GGT1: variants seen among roughly 807,000 people sequenced by gnomAD.
The protein encoded by GGT1 is glutathione hydrolase 1 proenzyme.
GGT1 carries 21 observed loss-of-function variants against 56.0 expected under a neutral mutation model. The observed-to-expected ratio is 0.38, with a 90% CI of 0.27 to 0.54. The LOEUF (loss-of-function observed/expected upper bound fraction) is 0.54, where lower values mean the gene tolerates loss of function less well. Among genes scored for constraint, GGT1 ranks in the 20% least tolerant of loss-of-function variants. The pLI is 0.82. For synonymous variants in GGT1, 238 were observed against 342.6 expected (o/e 0.69, Z 3.37); for missense variants, 466 against 787.0 (o/e 0.59, Z 4.88).
chr22:24,622,496 G>A (rs1601746355), intron 9 of GGT1, among the ~76,000 whole-genome samples: 4 of 152,198 alleles, frequency 2.6e-5, no homozygotes, highest in African/African-American at 7.2e-5. Context: ...CCTGGGAGGT[G>A]GAGCTTGCAG....
the GGT1 span, among the ~76,000 whole-genome samples, chr22:24,584,790 G>A: frequency 1.8e-4 from 28 of 151,922 alleles, no homozygotes; most frequent in Admixed American, 1.5e-3. Flanking sequence ...GTATCCCCCC[G>A]GACATCTCTA....
At chr22:24,616,711 A>AT (rs1425953820) in intron 7 of GGT1, among the ~76,000 whole-genome samples, 1 of 151,210 alleles carries the variant, frequency 6.6e-6, no homozygotes, top group Non-Finnish European at 1.5e-5. Flanking sequence ...CGCCCAGCTA[A>AT]TTTTTTGTAT....
chr22:24,587,468 C>G, the GGT1 span, among the ~76,000 whole-genome samples: 1 of 152,190 alleles, frequency 6.6e-6, no homozygotes, highest in Non-Finnish European at 1.5e-5. Flanking sequence ...TGGCAGGGAA[C>G]AACCTTGTGG....
At chr22:24,606,746 A>T (rs1250256426) in intron 1 of GGT1, among the ~76,000 whole-genome samples, 1 of 151,912 alleles carries the variant, frequency 6.6e-6, no homozygotes, top group African/African-American at 2.4e-5. Context: ...GGCCTATGTG[A>T]CCCAGGCAGG....
chr22:24,604,154 A>G (rs1269606601), intron 1 of GGT1, among the ~76,000 whole-genome samples: 1 of 144,360 alleles, frequency 6.9e-6, no homozygotes, highest in African/African-American at 2.6e-5. Flanking sequence ...GTGCATTCTC[A>G]TATCGAGGGA....
chr22:24,617,502 G>T (rs1358224887), intron 7 of GGT1, among the ~76,000 whole-genome samples: 1 of 152,140 alleles, frequency 6.6e-6, no homozygotes, highest in Non-Finnish European at 1.5e-5. Flanking sequence ...AGAGGGTGCT[G>T]GGAAGTGGCT....
chr22:24,605,177 G>T (rs1483925393), intron 1 of GGT1, among the ~76,000 whole-genome samples: 3 of 65,012 alleles, frequency 4.6e-5, no homozygotes, highest in South Asian at 3.6e-4. Context: ...TATATAATAT[G>T]TAATATATTA....
intron 1 of GGT1, among the ~76,000 whole-genome samples, chr22:24,604,474 G>T (rs1437083063): frequency 3.9e-5 from 6 of 152,114 alleles, no homozygotes; most frequent in African/African-American, 1.4e-4. Context: ...CAGCCTAAAT[G>T]AGGCTCAGTT....
chr22:24,611,877 G>A (rs1158647277), intron 5 of GGT1, among the ~76,000 whole-genome samples: 4 of 150,816 alleles, frequency 2.7e-5, no homozygotes, highest in Admixed American at 1.3e-4. Flanking sequence ...TGCAATCTTG[G>A]CTTACTGCAA....
intron 1 of GGT1, among the ~76,000 whole-genome samples, chr22:24,606,915 G>A (rs144648637): frequency 0.13 from 13,184 of 98,904 alleles, no homozygotes; most frequent in Non-Finnish European, 0.16. Flanking sequence ...GCAGGGGAGG[G>A]AGCCATGACT....
At chr22:24,600,375 GT>G (rs1399625792), upstream of GGT1, among the ~76,000 whole-genome samples, 6 of 152,244 alleles carry the variant, frequency 3.9e-5, no homozygotes, top group Non-Finnish European at 7.3e-5. Context: ...CTGGGGTTGA[GT>G]TTAAACCCAG....
chr22:24,594,243 G>C (rs1268842282), upstream of GGT1, among the ~76,000 whole-genome samples: 1 of 152,088 alleles, frequency 6.6e-6, no homozygotes, highest in Non-Finnish European at 1.5e-5. Flanking sequence ...CTCCTGCGTG[G>C]GGAACGTTTG....
upstream of GGT1, among the ~76,000 whole-genome samples, chr22:24,598,797 C>G (rs1205342686): frequency 6.6e-6 from 1 of 152,224 alleles, no homozygotes; most frequent in Admixed American, 6.5e-5. Flanking sequence ...AAGCCATCCA[C>G]CCACCTCGCC....
At chr22:24,589,034 T>C in the GGT1 span, 2 of 1,022,384 alleles carry the variant, frequency 2.0e-6, no homozygotes, top group Non-Finnish European at 2.4e-6. Flanking sequence ...CTGCAAGCCC[T>C]GGCTGTTCCT....
intron 1 of GGT1, among the ~76,000 whole-genome samples, chr22:24,606,224 G>A (rs866989837): frequency 6.7e-6 from 1 of 148,316 alleles, no homozygotes; most frequent in African/African-American, 2.5e-5. Context: ...TGCCATGTTG[G>A]TGTGCTGCAC....
chr22:24,589,168 T>A, the GGT1 span: 1 of 1,161,358 alleles, frequency 8.6e-7, no homozygotes, highest in Non-Finnish European at 1.1e-6. Context: ...TGACTAGGAG[T>A]CTGGGTCCGG....
At chr22:24,626,817 A>C in intron 11 of GGT1, among the ~76,000 whole-genome samples, 1 of 146,668 alleles carries the variant, frequency 6.8e-6, no homozygotes. Flanking sequence ...GGACCTAGGA[A>C]GTCCTGTGGG....
intron 5 of GGT1, among the ~76,000 whole-genome samples, chr22:24,614,477 G>A (rs1390743836): frequency 5.3e-5 from 8 of 150,286 alleles, no homozygotes; most frequent in Admixed American, 6.6e-5. Context: ...TTAGCTGGGC[G>A]TGGTGGCATG....
In GGT1 at chr22:24,620,621, C is replaced by T. The variant is rs2047357082; in HGVS notation, c.575+101C>T. The T allele has an allele frequency of 1.9e-6, 3 of 1,581,006 alleles. No individual in the cohort carries two copies. The highest frequency in any genetic ancestry group is 2.6e-6 in the Non-Finnish European group (3 of 1,164,538). On this transcript the variant is annotated intron_variant, in intron 8 of 15. Coordinates refer to ENST00000400382, the MANE Select transcript of GGT1 (RefSeq NM_001288833.2). The surrounding 1 kb of genome is among the most constrained non-coding windows in gnomAD (Gnocchi z 5.6). ...TGGAGCAGCCCTCTGCCTTCAGGAC[C>T]CTGTGCTGATAATGGGATGAGGAGA...
Sources: allele counts gnomAD v4.1 joint callset (sites outside exome capture counted in the v4.1 genomes callset), GRCh38; gene constraint gnomAD v4.1.1; non-coding constraint Gnocchi (gnomAD v3.1); transcripts MANE v1.5; gene names NCBI Gene and HGNC (gene_info 2026-07-23, HGNC 2026-07-21).